Variants in SRP68 observed in about 807,000 individuals in gnomAD.
The protein encoded by SRP68 is signal recognition particle subunit SRP68.
SRP68 carries 15 observed loss-of-function variants against 82.2 expected under a neutral mutation model. That is an observed-to-expected ratio of 0.18 (90% CI 0.12 to 0.28). The LOEUF (loss-of-function observed/expected upper bound fraction) is 0.28, where lower values mean the gene tolerates loss of function less well. Among genes scored for constraint, SRP68 ranks in the 10% least tolerant of loss-of-function variants. The probability of loss-of-function intolerance (pLI) is 1.00; values close to 1 mark genes in which losing one functional copy is unlikely to be tolerated. For synonymous variants in SRP68, 261 were observed against 292.6 expected (o/e 0.89, Z 1.10); for missense variants, 595 against 780.5 (o/e 0.76, Z 2.83).
intron 4 of SRP68, among the ~76,000 whole-genome samples, chr17:76,062,738 T>TATATATATATATATATAAA (rs2066773811): frequency 4.6e-5 from 1 of 21,722 alleles, no homozygotes; most frequent in African/African-American, 3.8e-4. Context: ...TTTATATATA[T>TATATATATATATATATAAA]ATATATATAT....
chr17:76,060,194 C>A, intron 7 of SRP68, 114 bp downstream of exon 7: 9 of 365,198 alleles, frequency 2.5e-5, no homozygotes, highest in East Asian at 5.4e-5. Flanking sequence ...TAGATATTTG[C>A]TAATACAGAT....
intron 1 of SRP68, among the ~76,000 whole-genome samples, chr17:76,070,850 G>GCACACACCCA (rs1555630321): frequency 6.8e-6 from 1 of 146,780 alleles, no homozygotes; most frequent in African/African-American, 2.5e-5. Flanking sequence ...ACATGCACAT[G>GCACACACCCA]CACACACACA....
At chr17:76,067,111 C>T in intron 3 of SRP68, 106 bp downstream of exon 3, 2 of 857,648 alleles carry the variant, frequency 2.3e-6, no homozygotes, top group Admixed American at 4.0e-5. Flanking sequence ...AAACAATGCC[C>T]AGCCCACAGA....
intron 2 of SRP68, 110 bp from the exon 3 acceptor site, chr17:76,067,440 T>C (rs568960667): frequency 1.3e-5 from 10 of 766,626 alleles, no homozygotes; most frequent in South Asian, 9.0e-5. Context: ...ATTATACTTA[T>C]GGTTACTAGA....
At chr17:76,051,359 C>A (rs544636338) in intron 8 of SRP68, among the ~76,000 whole-genome samples, 2 of 152,306 alleles carry the variant, frequency 1.3e-5, no homozygotes, top group Admixed American at 6.5e-5. Context: ...AGGGGATGAA[C>A]CTGTGTGACT....
chr17:76,051,346 G>A (rs1271867331), intron 8 of SRP68, among the ~76,000 whole-genome samples: 1 of 152,224 alleles, frequency 6.6e-6, no homozygotes, highest in Non-Finnish European at 1.5e-5. Flanking sequence ...ACAAAAGGCA[G>A]AAAGGGGATG....
intron 10 of SRP68, 107 bp from the exon 11 acceptor site, chr17:76,046,301 G>A (rs2066630213): frequency 7.7e-7 from 1 of 1,293,826 alleles, no homozygotes; most frequent in Non-Finnish European, 1.1e-6. Flanking sequence ...GGGCGGGTGG[G>A]GGCGTGGCCA....
rs745681553 is a variant in SRP68 at position 76,072,474 on chromosome 17, C to G, written c.18G>C (p.Gln6His). 6 of 1,581,478 alleles carry G rather than the reference C, an allele frequency of 3.8e-6. No individual in the cohort carries two copies. The highest frequency in any genetic ancestry group is 1.1e-5 in the South Asian group (1 of 89,156). MAAEK[Q>H]VPGGGGGGGS... ...CGCCGCCGCCGCCGCCGCCTGGGAC[C>G]TGCTTCTCAGCAGCCATCTTGCCCC... Residue 6 changes from glutamine to histidine, a missense_variant, in exon 1 of 16, where the codon CAG becomes CAC. By Grantham distance (24) the Gln-to-His change is conservative. This residue lies in a region of SRP68 where 100 missense variants were observed against 91.9 expected (regional missense o/e 1.09). Coordinates refer to ENST00000307877, the MANE Select transcript of SRP68 (RefSeq NM_014230.4). The surrounding 1 kb of genome is among the most constrained non-coding windows in gnomAD (Gnocchi z 4.5).
At chr17:76,040,222 G>C (rs997364296) in intron 15 of SRP68, among the ~76,000 whole-genome samples, 197 bp downstream of exon 15, 1 of 152,210 alleles carries the variant, frequency 6.6e-6, no homozygotes, top group African/African-American at 2.4e-5. Context: ...ACAGCAACAG[G>C]TTCCTCAACC....
chr17:76,072,261 G>T lies in SRP68; in HGVS notation c.184+47C>A, dbSNP rs959693289. The T allele has an allele frequency of 6.2e-7, 1 of 1,603,536 alleles. No homozygotes were observed. Among genetic ancestry groups the T allele is most frequent in the African/African-American group, 1.4e-5 (1 of 73,406 alleles). On this transcript the variant is annotated intron_variant, in intron 1 of 15. Transcript: ENST00000307877. The surrounding 1 kb of genome is among the most constrained non-coding windows in gnomAD (Gnocchi z 4.5). ...CGCCTCTCCCGCCCCCAGCCCTCCA[G>T]TTCGACACGTAATCATTGCGAGTTA...
At chr17:76,060,034 G>C (rs1443439295) in intron 7 of SRP68, among the ~76,000 whole-genome samples, 1 of 142,284 alleles carries the variant, frequency 7.0e-6, no homozygotes, top group Admixed American at 7.6e-5. Context: ...GCTGAGGCAG[G>C]AGAATGTCGT....
intron 1 of SRP68, among the ~76,000 whole-genome samples, chr17:76,070,855 C>CACACAT (rs2066847472): frequency 1.5e-5 from 2 of 137,074 alleles, no homozygotes; most frequent in Admixed American, 7.0e-5. Context: ...CACATGCACA[C>CACACAT]ACACACACAC....
intron 7 of SRP68, among the ~76,000 whole-genome samples, chr17:76,058,156 A>AT (rs113291325): frequency 5.9e-4 from 85 of 143,040 alleles, no homozygotes; most frequent in Non-Finnish European, 7.6e-4. Flanking sequence ...AAAAAAAAAA[A>AT]TTTTTTTTTT....
chr17:76,069,310 C>T (rs968975832), intron 2 of SRP68, among the ~76,000 whole-genome samples: 4 of 151,874 alleles, frequency 2.6e-5, no homozygotes, highest in African/African-American at 9.7e-5. Context: ...ACTGCTTGAA[C>T]CCGGAAGGCG....
chr17:76,068,849 G>A (rs926776741), intron 2 of SRP68, among the ~76,000 whole-genome samples: 5 of 151,922 alleles, frequency 3.3e-5, no homozygotes, highest in South Asian at 2.1e-4. Context: ...AGCAATTCTC[G>A]GGCCTCATCC....
intron 10 of SRP68, among the ~76,000 whole-genome samples, chr17:76,047,147 C>T (rs1193428130): frequency 2.6e-5 from 4 of 152,150 alleles, no homozygotes; most frequent in Non-Finnish European, 5.9e-5. Flanking sequence ...TGAGTCAGGG[C>T]TGTCTCAGGC....
chr17:76,070,248 A>AG (rs2066840572), intron 2 of SRP68, 130 bp downstream of exon 2: 28 of 732,672 alleles, frequency 3.8e-5, no homozygotes, highest in East Asian at 3.4e-4. Flanking sequence ...AACAAAGCAA[A>AG]CAAACAAACA....
rs923726906 is a variant in SRP68, at chr17:76,062,399, C to T, written c.562-825G>A. ...TGAGCCCAGGAGTTCATGACTGCAGCGAGCCATGACTGTGCACTCCAGCTT... is the reference window on the plus strand; with the variant it reads ...TGAGCCCAGGAGTTCATGACTGCAGTGAGCCATGACTGTGCACTCCAGCTT... On this transcript the variant is annotated intron_variant, in intron 4 of 15. Transcript: ENST00000307877. Among the ~76,000 whole-genome samples the T allele has an allele frequency of 4.2e-5, 6 of 144,180 alleles. No individual in the cohort carries two copies. In the South Asian group the frequency reaches 6.4e-4, roughly 15 times the overall value. The allele number at this position is 144,180 out of a possible 152,430, so 94.6% of individuals were successfully genotyped here. A position where few individuals can be genotyped will look rare whatever the true frequency, so the allele number is the denominator to read the frequency against.
chr17:76,039,545 G>T lies in SRP68; in HGVS notation c.*161C>A. On this transcript the variant is annotated 3_prime_UTR_variant, in exon 16 of 16. Coordinates refer to ENST00000307877, the MANE Select transcript of SRP68 (RefSeq NM_014230.4). ...GGTGCTCTCCTGACACGCTGCTTAAGAACGTGTACAGACACAAGATGTAGG... is the reference window on the plus strand; with the variant it reads ...GGTGCTCTCCTGACACGCTGCTTAATAACGTGTACAGACACAAGATGTAGG... The T allele has an allele frequency of 1.4e-6, 1 of 719,540 alleles. No homozygotes were observed. Among genetic ancestry groups the T allele is most frequent in the Non-Finnish European group, 2.3e-6 (1 of 428,142 alleles). 44.6% of individuals were successfully genotyped at this position (719,540 alleles called of 1,614,324 possible). A position where few individuals can be genotyped will look rare whatever the true frequency, so the allele number is the denominator to read the frequency against.
Sources: allele counts gnomAD v4.1 joint callset (sites outside exome capture counted in the v4.1 genomes callset), GRCh38; gene constraint gnomAD v4.1.1; regional missense constraint gnomAD v4.1.1; non-coding constraint Gnocchi (gnomAD v3.1); transcripts MANE v1.5; gene names NCBI Gene and HGNC (gene_info 2026-07-23, HGNC 2026-07-21).